ZMIZ2: variants seen among roughly 807,000 people sequenced by gnomAD.
ZMIZ2 encodes zinc finger MIZ domain-containing protein 2.
ZMIZ2 carries 26 observed loss-of-function variants against 93.9 expected under a neutral mutation model. The ratio of observed to expected loss-of-function variants is 0.28; its 90% confidence interval spans 0.20 to 0.38. The LOEUF (loss-of-function observed/expected upper bound fraction) is 0.38, where lower values mean the gene tolerates loss of function less well. ZMIZ2 is among the 10% of genes least tolerant of loss of function. The probability of loss-of-function intolerance (pLI) is 1.00; values close to 1 mark genes in which losing one functional copy is unlikely to be tolerated. For missense variants in ZMIZ2, 1,023 were observed against 1,235.0 expected (o/e 0.83, Z 2.57); for synonymous variants, 485 against 516.4 (o/e 0.94, Z 0.82).
rs1401132946 is a variant in ZMIZ2, at chr7:44,758,033, G to A, written c.738G>A (p.Leu246=). 4 of 1,610,030 alleles carry A rather than the reference G, an allele frequency of 2.5e-6. No homozygotes were observed. The highest frequency in any genetic ancestry group is 1.1e-5 in the South Asian group (1 of 89,922). Reference sequence around the variant, plus strand: ...CACCCTTGTATGCAGGGCAGCGTCTGCCCCAACATGGGTATCCTGGGCCTC... The same window carrying A: ...CACCCTTGTATGCAGGGCAGCGTCTACCCCAACATGGGTATCCTGGGCCTC... ...GMTPLYAGQR[L]PQHGYPGPPQ... The change falls in exon 6 of 19, where the codon CTG becomes CTA. Residue 246 remains leucine, a synonymous_variant. Coordinates refer to ENST00000309315, the MANE Select transcript of ZMIZ2 (RefSeq NM_031449.4).
chr7:44,758,696 AG>A (rs1271593365), intron 6 of ZMIZ2, among the ~76,000 whole-genome samples: 7 of 151,690 alleles, frequency 4.6e-5, no homozygotes, highest in Non-Finnish European at 7.4e-5. Flanking sequence ...GTGGATCACG[AG>A]GTCAGGAGTT....
chr7:44,758,019 G>A lies in ZMIZ2; in HGVS notation c.724G>A (p.Ala242Thr). 1 of 1,611,626 alleles carries A rather than the reference G, an allele frequency of 6.2e-7. No individual in the cohort carries two copies. The highest frequency in any genetic ancestry group is 8.5e-7 in the Non-Finnish European group (1 of 1,179,070). Residue 242 changes from alanine to threonine, a missense_variant, in exon 6 of 19, where the codon GCA (alanine) becomes ACA (threonine). Physicochemically the swap from Ala to Thr is moderately conservative, Grantham distance 58. Around this residue, in one of 3 missense-constraint regions of ZMIZ2, gnomAD observed 656 missense variants for 777.1 expected, o/e 0.84. Transcript: ENST00000309315. ...GGCAGCAGGAATGACACCCTTGTAT[G>A]CAGGGCAGCGTCTGCCCCAACATGG... ...TRAAGMTPLY[A>T]GQRLPQHGYP...
At chr7:44,754,124 AGCAGTTCT>A (rs1790387980) in intron 1 of ZMIZ2, among the ~76,000 whole-genome samples, 1 of 152,206 alleles carries the variant, frequency 6.6e-6, no homozygotes, top group East Asian at 1.9e-4. Flanking sequence ...GGCCCCACCC[AGCAGTTCT>A]GGGGAGGAGT....
At chr7:44,753,741 CTT>C (rs1562722191) in intron 1 of ZMIZ2, among the ~76,000 whole-genome samples, 1 of 152,160 alleles carries the variant, frequency 6.6e-6, no homozygotes, top group African/African-American at 2.4e-5. Flanking sequence ...TCTAAGAGCT[CTT>C]TGGCCTAGAT....
chr7:44,758,819 CAGG>C (rs1790859955), intron 6 of ZMIZ2, among the ~76,000 whole-genome samples: 1 of 150,534 alleles, frequency 6.6e-6, no homozygotes, highest in Non-Finnish European at 1.5e-5. Flanking sequence ...GAGGCTGAGG[CAGG>C]AGAATTGCTT....
chr7:44,754,262 T>C (rs1790401002), intron 1 of ZMIZ2, among the ~76,000 whole-genome samples: 1 of 152,176 alleles, frequency 6.6e-6, no homozygotes, highest in Non-Finnish European at 1.5e-5. Flanking sequence ...AGGCCTGTTC[T>C]TGCCTAGAGT....
rs1583656698 is a variant in ZMIZ2, at chr7:44,765,241, A to G, written c.1998-94A>G. 2.4e-5 allele frequency: 37 copies of G among 1,568,894 alleles called. No homozygotes were observed. The highest frequency in any genetic ancestry group is 6.9e-6 in the Non-Finnish European group (8 of 1,157,950). On this transcript the variant is annotated intron_variant, in intron 15 of 18. Transcript: ENST00000309315. This position sits in a 1 kb window ranked among gnomAD's most constrained non-coding sequence, Gnocchi z 4.1. ...TGGAAGCAAGCATTTGAGTGGGGGA[A>G]CCTGCCTGGAAACAGCCCAGGGCTG...
rs371659606 is a variant in ZMIZ2 at position 44,766,217 on chromosome 7, C to A, written c.2296C>A (p.Pro766Thr). Residue 766 changes from proline (P) to threonine (T), a missense_variant, in exon 17 of 19, where the codon CCC becomes ACC. Pro to Thr is a conservative substitution (Grantham distance 38, BLOSUM62 -1). This residue lies in a region of ZMIZ2 where 319 missense variants were observed against 358.8 expected (regional missense o/e 0.89). Transcript: ENST00000309315. The surrounding 1 kb of genome is among the most constrained non-coding windows in gnomAD (Gnocchi z 4.4). Reference protein sequence around the residue: ...TFPESFPPTTPSTPTLAEFTP... With the variant: ...TFPESFPPTTTSTPTLAEFTP... ...CCCTGAGTCCTTCCCACCCACCACGCCCAGCACCCCAACCCTTGCTGAGTT... is the reference window on the plus strand; with the variant it reads ...CCCTGAGTCCTTCCCACCCACCACGACCAGCACCCCAACCCTTGCTGAGTT... 3.1e-6 allele frequency: 5 copies of A among 1,606,522 alleles called. No individual in the cohort carries two copies. In the African/African-American group the frequency reaches 5.4e-5, roughly 17 times the overall value.
At chr7:44,753,535 T>C (rs1790339453) in intron 1 of ZMIZ2, among the ~76,000 whole-genome samples, 1 of 152,252 alleles carries the variant, frequency 6.6e-6, no homozygotes, top group African/African-American at 2.4e-5. Context: ...TGTGAGCCAC[T>C]GTGCCTGGCT....
Position 44,766,632 on chromosome 7 carries a change from G to A in ZMIZ2, c.2624G>A (p.Gly875Glu), listed in dbSNP as rs1307050930. Residue 875 changes from glycine to glutamate, a missense_variant, in exon 18 of 19, where the codon GGA (glycine) becomes GAA (glutamate). Physicochemically the swap from Gly to Glu is moderately conservative, Grantham distance 98. Transcript: ENST00000309315. This position sits in a 1 kb window ranked among gnomAD's most constrained non-coding sequence, Gnocchi z 4.4. Reference protein sequence around the residue: ...TGVMGPPSMSGAGEAPEPALD... With the variant: ...TGVMGPPSMSEAGEAPEPALD... ...GTGATGGGGCCCCCCAGCATGTCTG[G>A]AGCCGGGGAGGCCCCAGAACCAGCT... is the stretch of plus-strand genomic sequence containing the variant. 6 of 1,613,206 alleles carry A rather than the reference G, an allele frequency of 3.7e-6. No homozygotes were observed. Among genetic ancestry groups the A allele is most frequent in the Non-Finnish European group, 5.1e-6 (6 of 1,180,006 alleles).
At position 44,763,704 on chromosome 7, in the gene ZMIZ2, C is replaced by T. The variant is rs1366577239; in HGVS notation, c.1860+291C>T. 2.5e-6 allele frequency: 1 copy of T among 402,310 alleles called. No homozygotes were observed. Among genetic ancestry groups the T allele is most frequent in the African/African-American group, 2.0e-5 (1 of 49,308 alleles). The allele number at this position is 402,310 out of a possible 1,614,324, so 24.9% of individuals were successfully genotyped here. On this transcript the variant is annotated intron_variant, in intron 13 of 18. Transcript: ENST00000309315. This position sits in a 1 kb window ranked among gnomAD's most constrained non-coding sequence, Gnocchi z 5.6. ...CAGGGTCCAGTCTTCCTGCCCTACCCCCAAGGGTGACCATCGTTAGCATCT... is the reference window on the plus strand; with the variant it reads ...CAGGGTCCAGTCTTCCTGCCCTACCTCCAAGGGTGACCATCGTTAGCATCT...
intron 6 of ZMIZ2, 75 bp from the exon 7 acceptor site, chr7:44,759,206 G>T: frequency 7.4e-7 from 1 of 1,351,248 alleles, no homozygotes; most frequent in South Asian, 1.7e-5. Flanking sequence ...TGCCACACAT[G>T]AGACTCTACT....
Position 44,766,288 on chromosome 7 carries a change from C to A in ZMIZ2, c.2367C>A (p.Ser789Arg), listed in dbSNP as rs760768335. The A allele has an allele frequency of 2.5e-6, 4 of 1,599,792 alleles. No individual in the cohort carries two copies. The highest frequency in any genetic ancestry group is 1.1e-5 in the South Asian group (1 of 88,400). The stretch of plus-strand genomic sequence containing the variant: ...TCTCCTACCAGTCTGACATTCCCAG[C>A]AGCCTCCTGACTTCAGAGAAGTCTA... The part of the protein sequence containing the change: ...PPISYQSDIP[S>R]SLLTSEKSTA... The change falls in exon 17 of 19, where the codon AGC (serine) becomes AGA (arginine). Residue 789 changes from serine (S) to arginine (R), a missense_variant. Coordinates refer to ENST00000309315, the MANE Select transcript of ZMIZ2 (RefSeq NM_031449.4). This position sits in a 1 kb window ranked among gnomAD's most constrained non-coding sequence, Gnocchi z 4.4.
At position 44,766,315 on chromosome 7, in the gene ZMIZ2, C is replaced by G. The variant is rs371764582; in HGVS notation, c.2394C>G (p.Thr798=). The change falls in exon 17 of 19, where the codon ACC becomes ACG. Residue 798 remains threonine (T), a synonymous_variant. Transcript: ENST00000309315. This position sits in a 1 kb window ranked among gnomAD's most constrained non-coding sequence, Gnocchi z 4.4. The part of the protein sequence containing the change: ...PSSLLTSEKS[T]ACLPSQMAPA... ...GCCTCCTGACTTCAGAGAAGTCTAC[C>G]GCCTGCCTCCCAAGCCAGGTCAGTG... is the stretch of plus-strand genomic sequence containing the variant. 6.3e-6 allele frequency: 10 copies of G among 1,595,130 alleles called. No homozygotes were observed.
intron 1 of ZMIZ2, among the ~76,000 whole-genome samples, chr7:44,750,631 A>C (rs1458878250): frequency 6.6e-6 from 1 of 152,146 alleles, no homozygotes; most frequent in Admixed American, 6.5e-5. Context: ...TCAGGAGGTC[A>C]ACCAGGAGAC....
At chr7:44,749,542 T>G (rs1378734483) in intron 1 of ZMIZ2, among the ~76,000 whole-genome samples, 1 of 152,164 alleles carries the variant, frequency 6.6e-6, no homozygotes, top group African/African-American at 2.4e-5. Context: ...GCTGCCAGTT[T>G]TGATGGGGAC....
In ZMIZ2 at chr7:44,764,435, C is replaced by G; in HGVS notation, c.1877C>G (p.Ser626Trp). ...CRHIQCFDLE[S>W]YLQLNCERGT... is the part of the protein sequence containing the mutation. ...TCTCTACAGTGCTTTGACCTGGAGTCGTACCTGCAGCTCAACTGTGAGCGG... is the reference window on the plus strand; with the variant it reads ...TCTCTACAGTGCTTTGACCTGGAGTGGTACCTGCAGCTCAACTGTGAGCGG... Residue 626 changes from serine to tryptophan, a missense_variant, in exon 14 of 19, where the codon TCG becomes TGG. Ser to Trp is a radical substitution (Grantham distance 177, BLOSUM62 -3). This residue lies in a region of ZMIZ2 where 48 missense variants were observed against 99.1 expected (regional missense o/e 0.48). Coordinates refer to ENST00000309315, the MANE Select transcript of ZMIZ2 (RefSeq NM_031449.4). 1 of 1,614,212 alleles carries G rather than the reference C, an allele frequency of 6.2e-7. No individual in the cohort carries two copies. Among genetic ancestry groups the G allele is most frequent in the Non-Finnish European group, 8.5e-7 (1 of 1,180,028 alleles).
rs117065063 is a variant in ZMIZ2 at position 44,764,796 on chromosome 7, C to T, written c.1929-145C>T. 1.7e-3 allele frequency: 1,344 copies of T among 812,010 alleles called. 17 individuals carry two copies. The East Asian group carries it at 0.032, about 19-fold the overall frequency. 50.3% of individuals were successfully genotyped at this position (812,010 alleles called of 1,614,324 possible). A position where few individuals can be genotyped will look rare whatever the true frequency, so the allele number is the denominator to read the frequency against. On this transcript the variant is annotated intron_variant, in intron 14 of 18. Transcript: ENST00000309315. ...GTACTGTCACCTCACATAGGGTCAG[C>T]TCACACAGAGTTACCTTGTTCAGTT...
intron 7 of ZMIZ2, chr7:44,759,786 T>G: frequency 2.2e-6 from 1 of 453,374 alleles, no homozygotes; most frequent in Non-Finnish European, 3.9e-6. Context: ...TATGGAAAAG[T>G]GTCATTCCTT....
Sources: gnomAD v4.1 joint callset for allele counts (sites outside exome capture counted in the v4.1 genomes callset) on GRCh38, gnomAD v4.1.1 for gene constraint, gnomAD v4.1.1 regional missense constraint, Gnocchi (gnomAD v3.1) non-coding constraint, MANE v1.5 for transcripts, NCBI Gene and HGNC (gene_info 2026-07-23, HGNC 2026-07-21) for gene names.